Variants in SCN9A observed in about 807,000 individuals in gnomAD.
SCN9A encodes sodium voltage-gated channel alpha subunit 9.
SCN9A carries 131 observed loss-of-function variants against 187.0 expected under a neutral mutation model. The ratio of observed to expected loss-of-function variants is 0.70; its 90% CI spans 0.61 to 0.81. The LOEUF (loss-of-function observed/expected upper bound fraction) is 0.81, where lower values mean the gene tolerates loss of function less well. SCN9A is among the 30% of genes least tolerant of loss of function. The pLI, the probability that SCN9A is intolerant of heterozygous loss-of-function variation, is 0.00. For missense variants in SCN9A, 2,252 were observed against 2,396.6 expected, an observed-to-expected ratio of 0.94 and a Z score of 1.26; for synonymous variants, 809 against 808.6, an observed-to-expected ratio of 1.00 and a Z score of -0.01.
chr2:166,289,554 G>A lies in SCN9A; in HGVS notation c.1108-911C>T, dbSNP rs1394578564. Among the ~76,000 whole-genome samples the A allele has an allele frequency of 5.9e-5, 9 of 152,224 alleles. No homozygotes were observed. In the East Asian group the frequency reaches 1.7e-3, roughly 29 times the overall value. On this transcript the variant is annotated intron_variant, in intron 9 of 26. Coordinates refer to ENST00000642356, the MANE Select transcript of SCN9A (RefSeq NM_001365536.1). ...CTGCATAGTATTCCATGGTGTATAT[G>A]TGCCACATTTTCTTTATCCAGTCTA...
chr2:166,331,641 T>C (rs1320017780), intron 1 of SCN9A, among the ~76,000 whole-genome samples: 1 of 152,214 alleles, frequency 6.6e-6, no homozygotes, highest in Non-Finnish European at 1.5e-5. Context: ...TAAACTGGAT[T>C]ATTACACAAT....
intron 17 of SCN9A, among the ~76,000 whole-genome samples, chr2:166,265,808 T>A (rs543702146): frequency 5.3e-4 from 81 of 152,108 alleles, no homozygotes; most frequent in Middle Eastern, 3.4e-3. Context: ...ATTTCCCTGG[T>A]GATTAGTGAT....
intron 1 of SCN9A, among the ~76,000 whole-genome samples, chr2:166,326,858 C>G (rs1057217671): frequency 6.6e-6 from 1 of 152,162 alleles, no homozygotes; most frequent in Admixed American, 6.5e-5. Flanking sequence ...AAATCCTGCA[C>G]TTTGCTTAAA....
chr2:166,272,243 T>C (rs1242722264), intron 17 of SCN9A, among the ~76,000 whole-genome samples, 156 bp downstream of exon 17: 1 of 152,100 alleles, frequency 6.6e-6, no homozygotes, highest in Non-Finnish European at 1.5e-5. Flanking sequence ...CTTTACCAGA[T>C]GAATCTTCAG....
At position 166,244,147 on chromosome 2, in the gene SCN9A, C is replaced by G. The variant is rs190644734; in HGVS notation, c.3473-1491G>C. Among the ~76,000 whole-genome samples the G allele has an allele frequency of 3.3e-5, 5 of 152,082 alleles. No individual in the cohort carries two copies. In the East Asian group the frequency reaches 9.7e-4, roughly 29 times the overall value. On this transcript the variant is annotated intron_variant, in intron 18 of 26. Transcript: ENST00000642356. The stretch of plus-strand genomic sequence containing the variant: ...GAGATGCCTGTGAATTGTTTAAATA[C>G]AGATATCCTATAGATTTTAAAAATG...
chr2:166,207,921 G>C (rs944932215), intron 24 of SCN9A, among the ~76,000 whole-genome samples: 1 of 152,154 alleles, frequency 6.6e-6, no homozygotes, highest in Non-Finnish European at 1.5e-5. Context: ...CCAAGAACTT[G>C]ACAGAAGAAG....
intron 17 of SCN9A, among the ~76,000 whole-genome samples, chr2:166,258,368 A>G (rs917846558): frequency 2.2e-4 from 33 of 151,422 alleles, no homozygotes; most frequent in Admixed American, 3.3e-4. Context: ...CTAGAGACTG[A>G]TCTGATTATG....
intron 24 of SCN9A, among the ~76,000 whole-genome samples, chr2:166,214,237 G>T: frequency 6.6e-6 from 1 of 151,886 alleles, no homozygotes; most frequent in East Asian, 1.9e-4. Flanking sequence ...TTTCTCTCAA[G>T]TACAAAAAAC....
intron 1 of SCN9A, among the ~76,000 whole-genome samples, chr2:166,371,643 T>C (rs2105331625): frequency 6.6e-6 from 1 of 152,284 alleles, no homozygotes; most frequent in East Asian, 1.9e-4. Context: ...TTATACAATT[T>C]TATAATATCT....
At chr2:166,220,636 G>C (rs1694543093) in intron 24 of SCN9A, among the ~76,000 whole-genome samples, 1 of 152,120 alleles carries the variant, frequency 6.6e-6, no homozygotes, top group Non-Finnish European at 1.5e-5. Context: ...TGTTATAGTA[G>C]CACAAATGGA....
At chr2:166,329,724 C>T (rs772395366) in intron 1 of SCN9A, among the ~76,000 whole-genome samples, 2 of 152,000 alleles carry the variant, frequency 1.3e-5, no homozygotes, top group Non-Finnish European at 2.9e-5. Flanking sequence ...TACAACACAC[C>T]TACTATATGA....
intron 12 of SCN9A, 126 bp downstream of exon 12, chr2:166,284,327 T>C (rs762053454): frequency 2.3e-5 from 25 of 1,084,830 alleles, no homozygotes; most frequent in Non-Finnish European, 3.1e-5. Context: ...AAAGGTGTGT[T>C]CCTATAGAAA....
chr2:166,214,219 A>T (rs1446133630), intron 24 of SCN9A, among the ~76,000 whole-genome samples: 2 of 151,890 alleles, frequency 1.3e-5, no homozygotes, highest in African/African-American at 2.4e-5. Context: ...GAGATAAGCC[A>T]TTGGAGTTTT....
chr2:166,214,250 T>TG (rs1327310961), intron 24 of SCN9A, among the ~76,000 whole-genome samples: 1 of 151,906 alleles, frequency 6.6e-6, no homozygotes, highest in Non-Finnish European at 1.5e-5. Context: ...CAAAAAACGA[T>TG]GGGGGGTTTT....
chr2:166,291,234 G>A (rs1035445838), intron 9 of SCN9A, among the ~76,000 whole-genome samples: 1 of 152,126 alleles, frequency 6.6e-6, no homozygotes, highest in Non-Finnish European at 1.5e-5. Flanking sequence ...CAAGGTATCA[G>A]GATACAAAAT....
At chr2:166,330,547 A>G (rs2105262910) in intron 1 of SCN9A, among the ~76,000 whole-genome samples, 1 of 152,180 alleles carries the variant, frequency 6.6e-6, no homozygotes, top group East Asian at 1.9e-4. Context: ...CATTTTACCT[A>G]TTTGCTCTCT....
chr2:166,267,599 T>C (rs1202092613), intron 17 of SCN9A, among the ~76,000 whole-genome samples: 1 of 151,948 alleles, frequency 6.6e-6, no homozygotes, highest in African/African-American at 2.4e-5. Flanking sequence ...ATTCCTTTCC[T>C]TTTGATTTTT....
chr2:166,370,093 A>G (rs1041573511), intron 1 of SCN9A, among the ~76,000 whole-genome samples: 1 of 151,808 alleles, frequency 6.6e-6, no homozygotes, highest in Admixed American at 6.6e-5. Flanking sequence ...AGAAGATGAC[A>G]TATTTTTAAA....
intron 1 of SCN9A, among the ~76,000 whole-genome samples, chr2:166,332,094 A>G (rs1344566207): frequency 6.6e-6 from 1 of 152,192 alleles, no homozygotes; most frequent in Non-Finnish European, 1.5e-5. Context: ...AAGCTTATTC[A>G]AATGGATTCT....
Sources: allele counts gnomAD v4.1 joint callset (sites outside exome capture counted in the v4.1 genomes callset), GRCh38; gene constraint gnomAD v4.1.1; transcripts MANE v1.5; gene names NCBI Gene and HGNC (gene_info 2026-07-23, HGNC 2026-07-21).